CHCHD6: variants seen among roughly 807,000 people sequenced by gnomAD.
CHCHD6 encodes the protein coiled-coil-helix-coiled-coil-helix domain containing 6.
In CHCHD6, 28 loss-of-function variants were observed where a neutral mutation model predicts 32.3. That is an observed-to-expected ratio of 0.87 (90% CI 0.64 to 1.19). The LOEUF (loss-of-function observed/expected upper bound fraction) is 1.19, where lower values mean the gene tolerates loss of function less well. CHCHD6 is among the 50% of genes most tolerant of loss of function. The pLI is 0.00. For missense variants in CHCHD6, 333 were observed against 307.0 expected, an observed-to-expected ratio of 1.08 and a Z score of -0.63; for synonymous variants, 122 against 117.5, an observed-to-expected ratio of 1.04 and a Z score of -0.25.
intron 5 of CHCHD6, among the ~76,000 whole-genome samples, chr3:126,867,080 A>G (rs1942313240): frequency 1.3e-5 from 2 of 152,198 alleles, no homozygotes. Flanking sequence ...GCCTTGTTGC[A>G]TACACTTAGG....
intron 4 of CHCHD6, among the ~76,000 whole-genome samples, chr3:126,756,488 G>C (rs966544045): frequency 1.3e-5 from 2 of 152,138 alleles, no homozygotes; most frequent in Admixed American, 6.5e-5. Flanking sequence ...TGTAAGGCAG[G>C]GGGGAAGTGG....
intron 1 of CHCHD6, among the ~76,000 whole-genome samples, chr3:126,716,826 G>T (rs1416876396): frequency 2.0e-5 from 3 of 152,106 alleles, no homozygotes; most frequent in African/African-American, 7.2e-5. Flanking sequence ...GTTGATAGGG[G>T]GGCTGGTTCC....
chr3:126,792,257 T>G (rs1938584833), intron 4 of CHCHD6, among the ~76,000 whole-genome samples: 1 of 146,470 alleles, frequency 6.8e-6, no homozygotes, highest in Non-Finnish European at 1.5e-5. Flanking sequence ...GAATATATAT[T>G]CTAATATAGA....
intron 5 of CHCHD6, among the ~76,000 whole-genome samples, chr3:126,902,058 A>G (rs765249326): frequency 2.0e-5 from 3 of 152,252 alleles, no homozygotes; most frequent in Non-Finnish European, 2.9e-5. Flanking sequence ...AGAAACCAGG[A>G]TTTAAACTCA....
At chr3:126,910,582 A>C (rs1038862898) in intron 5 of CHCHD6, among the ~76,000 whole-genome samples, 2 of 152,196 alleles carry the variant, frequency 1.3e-5, no homozygotes, top group African/African-American at 4.8e-5. Context: ...CCTTTGACCC[A>C]AGAATTTGAC....
chr3:126,730,755 A>G (rs545805352), intron 3 of CHCHD6, 125 bp downstream of exon 3: 91 of 711,704 alleles, frequency 1.3e-4, no homozygotes, highest in African/African-American at 1.2e-3. Context: ...TCTCAGTTGC[A>G]TTGAAGGACA....
At chr3:126,885,111 C>T (rs2077661783) in intron 5 of CHCHD6, among the ~76,000 whole-genome samples, 1 of 152,226 alleles carries the variant, frequency 6.6e-6, no homozygotes, top group Non-Finnish European at 1.5e-5. Context: ...AGGCCCAGTG[C>T]TGTGCCCATT....
intron 4 of CHCHD6, among the ~76,000 whole-genome samples, chr3:126,803,279 A>G (rs1939179481): frequency 6.6e-6 from 1 of 152,222 alleles, no homozygotes; most frequent in South Asian, 2.1e-4. Flanking sequence ...CAAATTGGAT[A>G]AAGAGTCAAG....
chr3:126,896,359 T>G (rs2077839054), intron 5 of CHCHD6, among the ~76,000 whole-genome samples: 1 of 152,190 alleles, frequency 6.6e-6, no homozygotes, highest in Non-Finnish European at 1.5e-5. Context: ...CTCAATAAAA[T>G]GAACTTTATC....
At chr3:126,949,423 C>T (rs918902807) in intron 6 of CHCHD6, 19 of 227,892 alleles carry the variant, frequency 8.3e-5, no homozygotes, top group East Asian at 3.7e-4. Flanking sequence ...CTGCCGTGGA[C>T]GGAAGGGAAG....
At chr3:126,726,980 C>T (rs181303472) in intron 1 of CHCHD6, 98 bp from the exon 2 acceptor site, 8 of 802,610 alleles carry the variant, frequency 1.0e-5, no homozygotes, top group Admixed American at 8.3e-5. Context: ...GAGGAAGCAG[C>T]GCATTCAGTA....
intron 6 of CHCHD6, among the ~76,000 whole-genome samples, chr3:126,931,529 C>T (rs962496212): frequency 2.0e-5 from 3 of 152,164 alleles, no homozygotes; most frequent in Non-Finnish European, 4.4e-5. Context: ...GCGACTGACA[C>T]GGAGCCCAGG....
At chr3:126,789,932 C>A (rs772491270) in intron 4 of CHCHD6, among the ~76,000 whole-genome samples, 1 of 152,010 alleles carries the variant, frequency 6.6e-6, no homozygotes, top group Non-Finnish European at 1.5e-5. Context: ...ATGGTCTTTA[C>A]AATTTGGCAT....
At chr3:126,906,115 C>T (rs1576584084) in intron 5 of CHCHD6, among the ~76,000 whole-genome samples, 1 of 152,194 alleles carries the variant, frequency 6.6e-6, no homozygotes, top group Admixed American at 6.5e-5. Flanking sequence ...CACTCCCACT[C>T]CAGCTGCTGT....
At chr3:126,887,941 C>T (rs1396880669) in intron 5 of CHCHD6, among the ~76,000 whole-genome samples, 1 of 152,230 alleles carries the variant, frequency 6.6e-6, no homozygotes, top group African/African-American at 2.4e-5. Context: ...CCACTTTTAT[C>T]TGGGGTGGCA....
At chr3:126,863,546 C>T (rs1227203878) in intron 5 of CHCHD6, among the ~76,000 whole-genome samples, 3 of 137,192 alleles carry the variant, frequency 2.2e-5, no homozygotes, top group African/African-American at 5.8e-5. Context: ...TCCTCCTCCA[C>T]CATCACCACC....
chr3:126,800,571 C>T (rs1378535358), intron 4 of CHCHD6, among the ~76,000 whole-genome samples: 2 of 152,142 alleles, frequency 1.3e-5, no homozygotes, highest in African/African-American at 2.4e-5. Context: ...GTCAGATCCC[C>T]TCTGTGATCT....
At chr3:126,899,160 T>C (rs1206126866) in intron 5 of CHCHD6, among the ~76,000 whole-genome samples, 1 of 152,244 alleles carries the variant, frequency 6.6e-6, no homozygotes, top group Non-Finnish European at 1.5e-5. Context: ...GTGATAACAC[T>C]GTTCTGGGTC....
At chr3:126,927,796 G>A (rs192389011) in intron 6 of CHCHD6, among the ~76,000 whole-genome samples, 131 of 152,258 alleles carry the variant, frequency 8.6e-4, no homozygotes, top group Middle Eastern at 3.4e-3. Context: ...TCAGTAGAGA[G>A]GTTACCGCTT....
Sources: allele counts gnomAD v4.1 joint callset (sites outside exome capture counted in the v4.1 genomes callset), GRCh38; gene constraint gnomAD v4.1.1; transcripts MANE v1.5; gene names NCBI Gene and HGNC (gene_info 2026-07-23, HGNC 2026-07-21).